TPRX1: variants seen among roughly 807,000 people sequenced by gnomAD.
TPRX1 encodes the protein tetra-peptide repeat homeobox protein 1.
A neutral mutation model predicts 8.1 loss-of-function variants in TPRX1; 2 were observed. The ratio of observed to expected loss-of-function variants is 0.25; its 90% CI spans 0.10 to 0.78. TPRX1 has a LOEUF of 0.78. Ranked by LOEUF, TPRX1 falls within the 30% of genes least tolerant of loss-of-function variation. The pLI is 0.70. For missense variants in TPRX1, 517 were observed against 586.9 expected (o/e 0.88, Z 1.23); for synonymous variants, 257 against 254.1 (o/e 1.01, Z -0.11).
At chr19:47,802,655 C>T (rs1244303023) in exon 4 of TPRX1, 4 of 1,555,804 alleles carry the variant, frequency 2.6e-6, no homozygotes, top group Admixed American at 3.9e-5. Context: ...TGGAATTGGG[C>T]CTGGAATTGA....
chr19:47,801,936 G>T, exon 4 of TPRX1: 1 of 1,614,164 alleles, frequency 6.2e-7, no homozygotes, highest in South Asian at 1.1e-5. Flanking sequence ...GGGTCTAGGG[G>T]TAGGAGCAGC....
At chr19:47,803,086 G>A (rs1314282337) in intron 3 of TPRX1, 106 bp from the exon 3 acceptor site, 2 of 1,144,900 alleles carry the variant, frequency 1.7e-6, no homozygotes, top group South Asian at 1.6e-5. Context: ...GTGCTCAACA[G>A]CCCCCCATCC....
At chr19:47,802,500 A>G (rs1035073497) in exon 4 of TPRX1, 1 of 1,349,308 alleles carries the variant, frequency 7.4e-7, no homozygotes, top group Non-Finnish European at 9.6e-7. Context: ...GGGCCTGAGA[A>G]TGGGCCTGAG....
intron 2 of TPRX1, among the ~76,000 whole-genome samples, chr19:47,814,345 G>A (rs1439588169): frequency 6.6e-6 from 1 of 151,634 alleles, no homozygotes; most frequent in African/African-American, 2.4e-5. Context: ...GTGAGCCACA[G>A]TGCCCAGTCA....
rs577561461 is a variant in TPRX1, at chr19:47,816,721, AT to A, written c.151+1746del. On this transcript the variant is annotated intron_variant, in intron 2 of 3. Transcript: ENST00000535759. ...CTATTTTTTGTATTTTTTAGTAGAG[AT>A]GGGGTTTCACCATGTTAGCCAGGAT... Among the ~76,000 whole-genome samples, 900 of 150,808 alleles carry A rather than the reference AT, an allele frequency of 6.0e-3. 8 individuals are homozygous for A. Among genetic ancestry groups the A allele is most frequent in the African/African-American group, 0.02 (840 of 41,000 alleles).
chr19:47,804,887 G>A (rs1296555976), intron 2 of TPRX1, among the ~76,000 whole-genome samples: 2 of 152,162 alleles, frequency 1.3e-5, no homozygotes, highest in South Asian at 2.1e-4. Context: ...GAGAGGCACC[G>A]CCAGCCAGCC....
chr19:47,815,127 T>TATATGCAAATATATATATATGCAA (rs1555800024), intron 2 of TPRX1, among the ~76,000 whole-genome samples: 7 of 105,044 alleles, frequency 6.7e-5, no homozygotes, highest in African/African-American at 2.5e-4. Context: ...TATATATATA[T>TATATGCAAATATATATATATGCAA]ATATATATAT....
chr19:47,809,328 T>C (rs1967762230), intron 2 of TPRX1, among the ~76,000 whole-genome samples: 1 of 152,124 alleles, frequency 6.6e-6, no homozygotes, highest in South Asian at 2.1e-4. Flanking sequence ...TCACCCAGGC[T>C]GCGTTGCACT....
intron 2 of TPRX1, among the ~76,000 whole-genome samples, chr19:47,815,114 T>TTTTATA (rs1555799970): frequency 7.9e-5 from 5 of 63,372 alleles, no homozygotes; most frequent in South Asian, 6.2e-4. Context: ...AATAGATAAA[T>TTTTATA]TATATATATA....
intron 2 of TPRX1, among the ~76,000 whole-genome samples, chr19:47,806,754 A>G (rs1282259725): frequency 6.6e-6 from 1 of 152,184 alleles, no homozygotes; most frequent in Non-Finnish European, 1.5e-5. Context: ...AGAGACAGAA[A>G]GCAGATTAGT....
intron 2 of TPRX1, among the ~76,000 whole-genome samples, chr19:47,815,127 T>TGCAA (rs200783256): frequency 4.8e-4 from 50 of 105,022 alleles, no homozygotes; most frequent in South Asian, 1.3e-3. Context: ...TATATATATA[T>TGCAA]ATATATATAT....
rs373180393 is a variant in TPRX1 at position 47,802,441 on chromosome 19, T to C, written c.861A>G (p.Pro287=). The change falls in exon 4 of 4, where the codon CCA becomes CCG. Residue 287 remains proline (P), a synonymous_variant. Transcript: ENST00000535759. The stretch of plus-strand genomic sequence containing the variant: ...TTGGGCCTGGGATCGGGCCTGAGAT[T>C]GGGCCTGGGATCGGGCCTGGGTTTG... 6.9e-4 allele frequency: 984 copies of C among 1,426,698 alleles called. 6 individuals carry two copies. The African/African-American group carries it at 0.011, about 16-fold the overall frequency. 88.4% of individuals were successfully genotyped at this position (1,426,698 alleles called of 1,614,324 possible). A position where few individuals can be genotyped will look rare whatever the true frequency, so the allele number is the denominator to read the frequency against.
chr19:47,818,360 CCATCCAT>C, intron 2 of TPRX1: 1 of 348,068 alleles, frequency 2.9e-6, no homozygotes, highest in Non-Finnish European at 5.6e-6. Context: ...ATCCATCCAT[CCATCCAT>C]CATCCATCAC....
At chr19:47,817,904 C>G (rs1336001124) in intron 2 of TPRX1, among the ~76,000 whole-genome samples, 1 of 152,268 alleles carries the variant, frequency 6.6e-6, no homozygotes, top group Non-Finnish European at 1.5e-5. Flanking sequence ...CAGCCTCTCT[C>G]TGCCGCATCC....
At chr19:47,804,995 G>A (rs918065954) in intron 2 of TPRX1, among the ~76,000 whole-genome samples, 3 of 152,176 alleles carry the variant, frequency 2.0e-5, no homozygotes, top group Admixed American at 6.5e-5. Context: ...TGCCTGCCTT[G>A]TCCAGCCACT....
chr19:47,804,430 G>A (rs1211467530), intron 2 of TPRX1, among the ~76,000 whole-genome samples, 85 bp downstream of exon 1: 1 of 152,288 alleles, frequency 6.6e-6, no homozygotes, highest in East Asian at 1.9e-4. Flanking sequence ...CACAGGCCCA[G>A]CCCTTCTCTG....
chr19:47,815,147 A>T (rs36022198), intron 2 of TPRX1, among the ~76,000 whole-genome samples: 208 of 34,602 alleles, frequency 6.0e-3, no homozygotes, highest in Middle Eastern at 0.022. Context: ...TATATATGCA[A>T]ATATATATAT....
rs1173458958 is a variant in TPRX1 at position 47,801,995 on chromosome 19, TC to T, written c.1306del (p.Asp436MetfsTer22). ...GGTGTCTGGCAAGAAGTCGGAGGCA[TC>T]GGGGCTCTGAGGCCATAAGGGGGCT... is the stretch of plus-strand genomic sequence containing the variant. On this transcript the variant is annotated frameshift_variant, in exon 4 of 4. Coordinates refer to ENST00000535759, the Ensembl canonical transcript of TPRX1. LOFTEE classifies it low-confidence loss of function (END_TRUNC). 3 of 1,613,634 alleles carry T rather than the reference TC, an allele frequency of 1.9e-6. No homozygotes were observed. The African/African-American group carries it at 4.0e-5, about 22-fold the overall frequency.
intron 2 of TPRX1, among the ~76,000 whole-genome samples, chr19:47,813,737 C>T (rs1186000825): frequency 1.3e-5 from 2 of 151,884 alleles, no homozygotes; most frequent in Non-Finnish European, 2.9e-5. Context: ...TTCATTATAT[C>T]CTGGCAGTCT....
Sources: allele counts gnomAD v4.1 joint callset (sites outside exome capture counted in the v4.1 genomes callset), GRCh38; gene constraint gnomAD v4.1.1; transcripts MANE v1.5; gene names NCBI Gene and HGNC (gene_info 2026-07-23, HGNC 2026-07-21).